LSAMP: variants seen among roughly 807,000 people sequenced by gnomAD.
LSAMP encodes the protein limbic system-associated membrane protein.
Under a neutral mutation model 38.6 loss-of-function variants are expected in LSAMP, and 7 were observed. That is an observed-to-expected ratio of 0.18 (90% confidence interval 0.10 to 0.34). The LOEUF is 0.34. Among genes scored for constraint, LSAMP ranks in the 10% least tolerant of loss-of-function variants. The pLI is 1.00. For synonymous variants in LSAMP, 154 were observed against 166.8 expected, an observed-to-expected ratio of 0.92 and a Z score of 0.59; for missense variants, 313 against 420.0, an observed-to-expected ratio of 0.75 and a Z score of 2.23.
intron 1 of LSAMP, among the ~76,000 whole-genome samples, chr3:116,208,374 A>G (rs563189389): frequency 6.6e-6 from 1 of 151,708 alleles, no homozygotes; most frequent in South Asian, 2.1e-4. Flanking sequence ...GAGTAATTTG[A>G]TTGTCTGAAG....
At chr3:116,393,144 C>A (rs777775332) in intron 1 of LSAMP, among the ~76,000 whole-genome samples, 104 of 152,288 alleles carry the variant, frequency 6.8e-4, no homozygotes, top group Non-Finnish European at 1.3e-3. Flanking sequence ...AGAGCTGTAA[C>A]ACACACAAAC....
intron 1 of LSAMP, among the ~76,000 whole-genome samples, chr3:116,274,825 G>T (rs567368982): frequency 1.3e-5 from 2 of 151,740 alleles, no homozygotes; most frequent in African/African-American, 2.4e-5. Context: ...TTATAGGCAC[G>T]CTGTAGTCTT....
chr3:116,058,233 C>G (rs9837276), intron 2 of LSAMP, among the ~76,000 whole-genome samples: 17,128 of 152,094 alleles, frequency 0.11, 1,162 homozygotes, highest in Non-Finnish European at 0.15. Context: ...ACATTTTAAT[C>G]CTCAGTTTCC....
chr3:116,191,820 T>G (rs1441731977), intron 1 of LSAMP, among the ~76,000 whole-genome samples: 1 of 151,972 alleles, frequency 6.6e-6, no homozygotes, highest in East Asian at 1.9e-4. Flanking sequence ...TAGTGAATAA[T>G]AAATGTTAAA....
At chr3:116,107,905 G>A (rs1408134525) in intron 1 of LSAMP, among the ~76,000 whole-genome samples, 1 of 152,194 alleles carries the variant, frequency 6.6e-6, no homozygotes, top group African/African-American at 2.4e-5. Flanking sequence ...TGGTTGATAA[G>A]GCATAGATCC....
chr3:116,419,081 C>T (rs1402258537), intron 1 of LSAMP, among the ~76,000 whole-genome samples: 1 of 152,222 alleles, frequency 6.6e-6, no homozygotes, highest in East Asian at 1.9e-4. Flanking sequence ...AGAAGTGCTA[C>T]CCTGTGTCTC....
At chr3:116,392,632 G>T (rs888637716) in intron 1 of LSAMP, among the ~76,000 whole-genome samples, 3 of 152,224 alleles carry the variant, frequency 2.0e-5, no homozygotes, top group African/African-American at 7.2e-5. Context: ...TGGGTCCCTG[G>T]TGAAGCTCCA....
Position 115,810,264 on chromosome 3 carries a change from C to T in LSAMP, c.*53G>A. ...CTCTCTGTCTCTCTCTCTCTGTATT[C>T]TGTGTGACGCATTTTTGTGTGTTTT... On this transcript the variant is annotated 3_prime_UTR_variant, in exon 7 of 7. Coordinates refer to ENST00000490035, the MANE Select transcript of LSAMP (RefSeq NM_002338.5). The T allele has an allele frequency of 2.5e-6, 3 of 1,181,994 alleles. No homozygotes were observed. The highest frequency in any genetic ancestry group is 2.4e-6 in the Non-Finnish European group (2 of 821,016). 73.2% of individuals were successfully genotyped at this position (1,181,994 alleles called of 1,614,324 possible). A position where few individuals can be genotyped will look rare whatever the true frequency, so the allele number is the denominator to read the frequency against.
chr3:116,371,267 T>C (rs993070052), intron 1 of LSAMP, among the ~76,000 whole-genome samples: 1 of 152,086 alleles, frequency 6.6e-6, no homozygotes, highest in East Asian at 1.9e-4. Flanking sequence ...CAGACCGATA[T>C]CCCTTATGAA....
At chr3:116,110,483 G>A (rs1169321049) in intron 1 of LSAMP, among the ~76,000 whole-genome samples, 4 of 152,140 alleles carry the variant, frequency 2.6e-5, no homozygotes, top group African/African-American at 4.8e-5. Context: ...GACCGGCGCC[G>A]GAGTTTTGGG....
At chr3:116,216,838 GAAAT>G (rs913637976) in intron 1 of LSAMP, among the ~76,000 whole-genome samples, 25 of 152,324 alleles carry the variant, frequency 1.6e-4, no homozygotes, top group Middle Eastern at 3.4e-3. Flanking sequence ...GGAAAGGAGA[GAAAT>G]AAACTACTTT....
intron 1 of LSAMP, among the ~76,000 whole-genome samples, chr3:116,280,599 G>A (rs2107681341): frequency 6.6e-6 from 1 of 152,320 alleles, no homozygotes. Flanking sequence ...GATACTTAGG[G>A]CCTGGGGTTT....
intron 1 of LSAMP, among the ~76,000 whole-genome samples, chr3:116,276,894 C>T (rs2047062954): frequency 6.6e-6 from 1 of 152,014 alleles, no homozygotes. Context: ...AACAAGGGTC[C>T]CTAAGGAGGG....
At chr3:116,285,206 T>C (rs1299302206) in intron 1 of LSAMP, among the ~76,000 whole-genome samples, 1 of 152,136 alleles carries the variant, frequency 6.6e-6, no homozygotes, top group Non-Finnish European at 1.5e-5. Context: ...GGTGATCTTT[T>C]AAAATGTAAA....
chr3:115,907,302 A>T (rs1214616879), intron 3 of LSAMP, among the ~76,000 whole-genome samples: 1 of 152,034 alleles, frequency 6.6e-6, no homozygotes, highest in East Asian at 1.9e-4. Flanking sequence ...TGGCAGTAAA[A>T]GATGAGCCCT....
rs1933729231 is a variant in LSAMP at position 115,809,282 on chromosome 3, C to T, written c.*1035G>A. The T allele has an allele frequency of 6.6e-6, 1 of 152,218 alleles. No homozygotes were observed. Among genetic ancestry groups the T allele is most frequent in the Non-Finnish European group, 1.5e-5 (1 of 68,062 alleles). 9.4% of individuals were successfully genotyped at this position (152,218 alleles called of 1,614,324 possible). ...CAGTGATATTCTGAGTGACTCCCCA[C>T]TCGGTTCTGATGATGGGACTAGGAG... is the stretch of plus-strand genomic sequence containing the variant. On this transcript the variant is annotated 3_prime_UTR_variant, in exon 7 of 7. Transcript: ENST00000490035.
chr3:116,175,975 G>T (rs564158764), intron 1 of LSAMP, among the ~76,000 whole-genome samples: 1 of 152,082 alleles, frequency 6.6e-6, no homozygotes, highest in Non-Finnish European at 1.5e-5. Flanking sequence ...ACACAGAATC[G>T]TAAAAATTAA....
intron 3 of LSAMP, among the ~76,000 whole-genome samples, chr3:116,016,630 G>T (rs1317804222): frequency 7.2e-5 from 11 of 152,072 alleles, no homozygotes; most frequent in Admixed American, 7.2e-4. Flanking sequence ...ACATTTGTGG[G>T]CCAAGTGATC....
intron 3 of LSAMP, among the ~76,000 whole-genome samples, chr3:115,877,259 T>G (rs1264848547): frequency 2.6e-5 from 4 of 152,052 alleles, no homozygotes; most frequent in Non-Finnish European, 5.9e-5. Flanking sequence ...TCCCTGTTTT[T>G]TTTTTCTCCT....
Sources: allele counts gnomAD v4.1 joint callset (sites outside exome capture counted in the v4.1 genomes callset), GRCh38; gene constraint gnomAD v4.1.1; transcripts MANE v1.5; gene names NCBI Gene and HGNC (gene_info 2026-07-23, HGNC 2026-07-21).